Variants in GRB14 observed in about 807,000 individuals in gnomAD.
GRB14 encodes growth factor receptor-bound protein 14.
GRB14 carries 38 observed loss-of-function variants against 69.1 expected under a neutral mutation model. The ratio of observed to expected loss-of-function variants is 0.55; its 90% CI spans 0.42 to 0.72. The LOEUF (loss-of-function observed/expected upper bound fraction) is 0.72, where lower values mean the gene tolerates loss of function less well. GRB14 is among the 30% of genes least tolerant of loss of function. The pLI is 0.00. For missense variants in GRB14, 666 were observed against 666.1 expected (o/e 1.00, Z 0.00); for synonymous variants, 247 against 241.3 (o/e 1.02, Z -0.22).
chr2:164,613,316 C>T (rs944631103), intron 2 of GRB14, among the ~76,000 whole-genome samples: 2 of 152,070 alleles, frequency 1.3e-5, no homozygotes, highest in South Asian at 2.1e-4. Flanking sequence ...GGACATAGTG[C>T]CTCCATATGC....
chr2:164,538,916 C>T (rs1427552946), intron 3 of GRB14, among the ~76,000 whole-genome samples: 1 of 151,964 alleles, frequency 6.6e-6, no homozygotes, highest in African/African-American at 2.4e-5. Flanking sequence ...AACGTTTATA[C>T]GAAAGTTTTC....
At chr2:164,544,298 A>T (rs887847476) in intron 3 of GRB14, among the ~76,000 whole-genome samples, 1 of 152,192 alleles carries the variant, frequency 6.6e-6, no homozygotes, top group Non-Finnish European at 1.5e-5. Context: ...CTTAATACAA[A>T]TAATTTGCAG....
intron 3 of GRB14, among the ~76,000 whole-genome samples, chr2:164,529,404 CA>C (rs1334249409): frequency 3.3e-5 from 5 of 152,118 alleles, no homozygotes. Context: ...TACAAAATTT[CA>C]AATGGTACCA....
At chr2:164,500,143 T>G (rs376352405) in intron 9 of GRB14, among the ~76,000 whole-genome samples, 12 of 152,060 alleles carry the variant, frequency 7.9e-5, no homozygotes, top group African/African-American at 2.9e-4. Context: ...CAACCCTCCG[T>G]CCCCTCACTC....
chr2:164,493,973 T>TA (rs1316327379), intron 13 of GRB14, among the ~76,000 whole-genome samples: 4 of 152,106 alleles, frequency 2.6e-5, no homozygotes, highest in Non-Finnish European at 5.9e-5. Flanking sequence ...ACAGAACTTT[T>TA]AAAAATGTGT....
intron 3 of GRB14, among the ~76,000 whole-genome samples, chr2:164,539,402 G>A (rs1381521728): frequency 1.3e-5 from 2 of 152,026 alleles, no homozygotes; most frequent in African/African-American, 4.8e-5. Flanking sequence ...TTGCAGCTGG[G>A]AGGCGGAGGA....
intron 2 of GRB14, among the ~76,000 whole-genome samples, chr2:164,551,155 C>A (rs941300962): frequency 5.3e-5 from 8 of 152,270 alleles, no homozygotes; most frequent in Admixed American, 3.3e-4. Flanking sequence ...AGTGCACCAT[C>A]GCCTCAGCTC....
At chr2:164,520,389 A>T (rs1466690120) in intron 6 of GRB14, among the ~76,000 whole-genome samples, 3 of 152,186 alleles carry the variant, frequency 2.0e-5, no homozygotes, top group Admixed American at 1.3e-4. Flanking sequence ...CTAAGACCTG[A>T]AGCCACAAAA....
At chr2:164,511,916 C>T (rs980176850) in intron 6 of GRB14, among the ~76,000 whole-genome samples, 5 of 152,026 alleles carry the variant, frequency 3.3e-5, no homozygotes, top group Non-Finnish European at 7.4e-5. Flanking sequence ...CCATGAAGGG[C>T]GAGTCCCAGA....
At chr2:164,550,131 T>A (rs574753969) in intron 2 of GRB14, among the ~76,000 whole-genome samples, 2 of 152,156 alleles carry the variant, frequency 1.3e-5, no homozygotes, top group African/African-American at 4.8e-5. Context: ...CTGCAATTAG[T>A]TGTGGCCAAA....
At chr2:164,547,886 AT>A in intron 2 of GRB14, 70 bp from the exon 3 acceptor site, 5 of 1,087,536 alleles carry the variant, frequency 4.6e-6, no homozygotes, top group Non-Finnish European at 5.2e-6. Flanking sequence ...TTTATTGTAT[AT>A]ATTTAAAGTA....
intron 3 of GRB14, among the ~76,000 whole-genome samples, chr2:164,537,659 T>A (rs1688112653): frequency 6.6e-6 from 1 of 152,190 alleles, no homozygotes; most frequent in African/African-American, 2.4e-5. Flanking sequence ...TGCTCGGACC[T>A]GAATTCATGT....
chr2:164,537,257 T>G (rs1688103458), intron 3 of GRB14, among the ~76,000 whole-genome samples: 1 of 152,190 alleles, frequency 6.6e-6, no homozygotes, highest in African/African-American at 2.4e-5. Context: ...TTGCCATAAG[T>G]ATTTTTAAGA....
At chr2:164,517,809 A>C (rs1448434965) in intron 6 of GRB14, among the ~76,000 whole-genome samples, 1 of 152,174 alleles carries the variant, frequency 6.6e-6, no homozygotes, top group Non-Finnish European at 1.5e-5. Flanking sequence ...TCCAGTAGGA[A>C]AAAATCACAA....
At chr2:164,496,928 T>C (rs1574239671) in intron 12 of GRB14, 80 bp downstream of exon 12, 9 of 1,108,126 alleles carry the variant, frequency 8.1e-6, no homozygotes, top group African/African-American at 6.2e-5. Flanking sequence ...AAGAACTCTT[T>C]GTGGCTATGG....
At chr2:164,504,140 AAG>A (rs1687130868) in intron 8 of GRB14, among the ~76,000 whole-genome samples, 2 of 152,088 alleles carry the variant, frequency 1.3e-5, no homozygotes, top group South Asian at 2.1e-4. Flanking sequence ...CAAAGAGAAA[AAG>A]AGAGTCTCCA....
intron 2 of GRB14, among the ~76,000 whole-genome samples, chr2:164,611,513 TC>T (rs1259973831): frequency 6.6e-6 from 1 of 151,620 alleles, no homozygotes; most frequent in Non-Finnish European, 1.5e-5. Flanking sequence ...TTTAGAGAAT[TC>T]AGAGGTTACG....
At chr2:164,512,901 C>G (rs1347720437) in intron 6 of GRB14, among the ~76,000 whole-genome samples, 1 of 152,186 alleles carries the variant, frequency 6.6e-6, no homozygotes, top group Non-Finnish European at 1.5e-5. Context: ...AAAACATATC[C>G]AGAACTAAGA....
rs186324139 is a variant in GRB14 at position 164,523,532 on chromosome 2, C to T, written c.679-1415G>A. On this transcript the variant is annotated intron_variant, in intron 5 of 13. Transcript: ENST00000263915. The stretch of plus-strand genomic sequence containing the variant: ...TTTTAAAAGGCTACTAAAGGAAATG[C>T]TGACAGTAGATATTTATGTTTTTTA... Among the ~76,000 whole-genome samples the T allele has an allele frequency of 6.6e-5, 10 of 151,984 alleles. No individual in the cohort carries two copies. In the East Asian group the frequency reaches 1.9e-3, roughly 29 times the overall value.
Sources: allele counts gnomAD v4.1 joint callset (sites outside exome capture counted in the v4.1 genomes callset), GRCh38; gene constraint gnomAD v4.1.1; transcripts MANE v1.5; gene names NCBI Gene and HGNC (gene_info 2026-07-23, HGNC 2026-07-21).